Variants in ATP13A5 observed in about 807,000 individuals in gnomAD.
ATP13A5 encodes probable cation-transporting ATPase 13A5.
A neutral mutation model predicts 150.2 loss-of-function variants in ATP13A5; 149 were observed. That is an observed-to-expected ratio of 0.99 (90% CI 0.87 to 1.14). The LOEUF (loss-of-function observed/expected upper bound fraction) is 1.14, where lower values mean the gene tolerates loss of function less well. ATP13A5 is among the 50% of genes most tolerant of loss of function. The pLI is 0.00. For synonymous variants in ATP13A5, 497 were observed against 522.2 expected (o/e 0.95, Z 0.66); for missense variants, 1,383 against 1,449.3 (o/e 0.95, Z 0.74).
At chr3:193,363,673 A>C (rs904121545) in intron 2 of ATP13A5, among the ~76,000 whole-genome samples, 2 of 152,228 alleles carry the variant, frequency 1.3e-5, no homozygotes, top group Non-Finnish European at 2.9e-5. Flanking sequence ...ACTTTTCAGG[A>C]AAGCTTTCTA....
intron 1 of ATP13A5, 144 bp downstream of exon 1, chr3:193,378,519 T>C (rs1339185370): frequency 1.8e-5 from 13 of 733,332 alleles, no homozygotes; most frequent in Non-Finnish European, 3.0e-5. Flanking sequence ...TTTGCAGCCC[T>C]TAAGGAACCT....
chr3:193,306,932 T>C (rs928035789), intron 22 of ATP13A5, among the ~76,000 whole-genome samples: 2 of 152,166 alleles, frequency 1.3e-5, no homozygotes, highest in Non-Finnish European at 2.9e-5. Context: ...TAATCATCAG[T>C]TTCAAACTTC....
chr3:193,372,598 C>T (rs1713487107), intron 1 of ATP13A5, among the ~76,000 whole-genome samples: 1 of 151,856 alleles, frequency 6.6e-6, no homozygotes, highest in Non-Finnish European at 1.5e-5. Context: ...TTATTTATTT[C>T]TTCTATTCTG....
chr3:193,331,380 A>G lies in ATP13A5; in HGVS notation c.1273-69T>C. 9.1e-6 allele frequency: 13 copies of G among 1,432,944 alleles called. No individual in the cohort carries two copies. The South Asian group carries it at 1.8e-4, about 19-fold the overall frequency. The allele number at this position is 1,432,944 out of a possible 1,614,324, so 88.8% of individuals were successfully genotyped here. On this transcript the variant is annotated intron_variant, in intron 11 of 29. Coordinates refer to ENST00000342358, the MANE Select transcript of ATP13A5 (RefSeq NM_198505.4). ...CAGACTGCCACCCTTCCTAGTGCCA[A>G]AGGAATGAGCACATTGTCTCCTACT...
intron 20 of ATP13A5, 132 bp downstream of exon 20, chr3:193,311,684 A>T: frequency 7.8e-7 from 1 of 1,281,856 alleles, no homozygotes. Context: ...TTTCAGGAGC[A>T]GTACTCCTTT....
chr3:193,285,349 G>A (rs950612608), intron 26 of ATP13A5, among the ~76,000 whole-genome samples: 3 of 152,118 alleles, frequency 2.0e-5, no homozygotes, highest in African/African-American at 7.2e-5. Flanking sequence ...CCTTGAAAGG[G>A]CCTGGATGAC....
chr3:193,315,774 A>C (rs1317032760), intron 17 of ATP13A5, among the ~76,000 whole-genome samples: 1 of 152,136 alleles, frequency 6.6e-6, no homozygotes, highest in Non-Finnish European at 1.5e-5. Flanking sequence ...AGGGAGATAG[A>C]TCTGAACAAT....
chr3:193,293,355 A>T (rs995024845), intron 25 of ATP13A5, among the ~76,000 whole-genome samples: 2 of 152,132 alleles, frequency 1.3e-5, no homozygotes, highest in Non-Finnish European at 2.9e-5. Flanking sequence ...TAACTTCTGA[A>T]GTGTTATATG....
chr3:193,363,206 G>A (rs1420806717), intron 3 of ATP13A5, 30 bp downstream of exon 3: 8 of 1,594,820 alleles, frequency 5.0e-6, no homozygotes, highest in Non-Finnish European at 3.4e-6. Flanking sequence ...CTGTAAACAT[G>A]CATAACACCA....
intron 8 of ATP13A5, 83 bp from the exon 9 acceptor site, chr3:193,344,138 A>G: frequency 6.6e-7 from 1 of 1,526,460 alleles, no homozygotes; most frequent in South Asian, 1.3e-5. Context: ...ATCCTTATCA[A>G]CCTGTTGGCC....
chr3:193,347,333 A>T (rs2108887677), intron 7 of ATP13A5, among the ~76,000 whole-genome samples: 1 of 116,528 alleles, frequency 8.6e-6, no homozygotes, highest in South Asian at 3.3e-4. Context: ...TATCTCCAAC[A>T]TACATGTAAA....
At chr3:193,331,413 A>G (rs776621960) in intron 11 of ATP13A5, 102 bp from the exon 12 acceptor site, 2 of 1,094,706 alleles carry the variant, frequency 1.8e-6, no homozygotes, top group South Asian at 1.8e-5. Flanking sequence ...ACTGCAGAGC[A>G]AAGGAGACCT....
At chr3:193,280,592 A>G (rs1192627242) in intron 27 of ATP13A5, among the ~76,000 whole-genome samples, 1 of 152,042 alleles carries the variant, frequency 6.6e-6, no homozygotes, top group Non-Finnish European at 1.5e-5. Flanking sequence ...ATCCTGCCCA[A>G]ATTGTTTTAA....
chr3:193,338,017 A>C (rs1214204561), intron 9 of ATP13A5, among the ~76,000 whole-genome samples: 3 of 151,952 alleles, frequency 2.0e-5, no homozygotes, highest in Non-Finnish European at 4.4e-5. Context: ...GTTCACTCAT[A>C]ATTTGGCTCT....
intron 25 of ATP13A5, among the ~76,000 whole-genome samples, chr3:193,290,584 G>C (rs918800168): frequency 6.6e-6 from 1 of 152,154 alleles, no homozygotes; most frequent in Non-Finnish European, 1.5e-5. Flanking sequence ...ATAGATGCTA[G>C]AGATGCATTA....
chr3:193,305,195 G>A (rs896119562), intron 23 of ATP13A5, among the ~76,000 whole-genome samples: 1 of 152,160 alleles, frequency 6.6e-6, no homozygotes, highest in Non-Finnish European at 1.5e-5. Flanking sequence ...ATCTAATGAA[G>A]TATTTCCTTT....
chr3:193,311,909 G>C lies in ATP13A5; in HGVS notation c.2352C>G (p.Thr784=), dbSNP rs1404433942. 1 of 1,613,834 alleles carries C rather than the reference G, an allele frequency of 6.2e-7. No individual in the cohort carries two copies. Among genetic ancestry groups the C allele is most frequent in the Non-Finnish European group, 8.5e-7 (1 of 1,179,830 alleles). The part of the protein sequence containing the change: ...EIYMHTGNSS[T]PRGEGGSCYH... The stretch of plus-strand genomic sequence containing the variant: ...AACAGCTTCCTCCTTCCCCACGAGG[G>C]GTTGAACTGTTTCCAGTATGCATGT... The change falls in exon 20 of 30, where the codon ACC becomes ACG. Residue 784 remains threonine (T), a synonymous_variant. Coordinates refer to ENST00000342358, the MANE Select transcript of ATP13A5 (RefSeq NM_198505.4).
Position 193,317,850 on chromosome 3 carries a change from C to T in ATP13A5, c.2033+1141G>A, listed in dbSNP as rs1032684679. On this transcript the variant is annotated intron_variant, in intron 17 of 29. Coordinates refer to ENST00000342358, the MANE Select transcript of ATP13A5 (RefSeq NM_198505.4). ...CTCTTACATGAGAACAACACAGCTG[C>T]GTTTGTATGTGACAGCTGGATGATG... 6.6e-5 allele frequency among the ~76,000 whole-genome samples: 10 copies of T among 152,250 alleles called. 1 individual carries two copies. Among genetic ancestry groups the T allele is most frequent in the South Asian group, 6.2e-4 (3 of 4,824 alleles).
At chr3:193,304,917 G>C (rs898176019) in intron 23 of ATP13A5, among the ~76,000 whole-genome samples, 1 of 152,138 alleles carries the variant, frequency 6.6e-6, no homozygotes, top group African/African-American at 2.4e-5. Flanking sequence ...ACAAGAGAGA[G>C]GAAGCACGCA....
Sources: gnomAD v4.1 joint callset for allele counts (sites outside exome capture counted in the v4.1 genomes callset) on GRCh38, gnomAD v4.1.1 for gene constraint, MANE v1.5 for transcripts, NCBI Gene and HGNC (gene_info 2026-07-23, HGNC 2026-07-21) for gene names.